The following EPHX2 variants were observed in gnomAD, a reference collection of about 807,000 sequenced individuals.
The protein encoded by EPHX2 is epoxide hydrolase 2, also known as bifunctional epoxide hydrolase 2.
In EPHX2, 74 loss-of-function variants were observed where a neutral mutation model predicts 78.7. The observed-to-expected ratio is 0.94, with a 90% confidence interval of 0.78 to 1.14. EPHX2 has a LOEUF of 1.14. Among genes scored for constraint, EPHX2 ranks in the 50% most tolerant of loss-of-function variants. The pLI is 0.00. For synonymous variants in EPHX2, 251 were observed against 255.2 expected (o/e 0.98, Z 0.16); for missense variants, 715 against 702.5 (o/e 1.02, Z -0.20).
chr8:27,534,199 C>A (rs891239496), intron 12 of EPHX2, among the ~76,000 whole-genome samples: 1 of 152,204 alleles, frequency 6.6e-6, no homozygotes, highest in African/African-American at 2.4e-5. Flanking sequence ...TTGAATCTTA[C>A]AAAACGGAGG....
intron 5 of EPHX2, 140 bp from the exon 6 acceptor site, chr8:27,511,696 G>A: frequency 1.3e-6 from 1 of 759,688 alleles, no homozygotes; most frequent in Non-Finnish European, 2.2e-6. Context: ...AGAGGGAGAT[G>A]GGCTGGTCAG....
intron 2 of EPHX2, among the ~76,000 whole-genome samples, chr8:27,501,387 CTT>C (rs372871494): frequency 3.0e-3 from 202 of 67,474 alleles, no homozygotes; most frequent in Non-Finnish European, 3.4e-3. Context: ...TCTTCTTCTT[CTT>C]CTTCTTTCTT....
At chr8:27,512,874 A>G (rs1265647053) in intron 6 of EPHX2, among the ~76,000 whole-genome samples, 1 of 152,248 alleles carries the variant, frequency 6.6e-6, no homozygotes, top group African/African-American at 2.4e-5. Context: ...TTCTGTGAGA[A>G]TTAAATGAAA....
intron 14 of EPHX2, 107 bp from the exon 15 acceptor site, chr8:27,540,447 G>A: frequency 1.1e-6 from 1 of 872,466 alleles, no homozygotes; most frequent in Non-Finnish European, 1.9e-6. Context: ...GCACTCATAA[G>A]GCCTTGCGCA....
intron 14 of EPHX2, chr8:27,539,129 T>C (rs1815311655): frequency 6.0e-6 from 1 of 167,870 alleles, no homozygotes. Flanking sequence ...CTGGAGCTCA[T>C]CCTTGTCTCC....
chr8:27,509,870 G>A (rs1814170175), intron 5 of EPHX2, among the ~76,000 whole-genome samples: 1 of 152,194 alleles, frequency 6.6e-6, no homozygotes, highest in Non-Finnish European at 1.5e-5. Context: ...GATTATTAAA[G>A]TAGGAACCCC....
intron 5 of EPHX2, among the ~76,000 whole-genome samples, chr8:27,509,646 G>A (rs930564178): frequency 2.0e-5 from 3 of 152,028 alleles, no homozygotes; most frequent in South Asian, 2.1e-4. Flanking sequence ...CCCAAAGTGC[G>A]AGGTTTACAG....
At chr8:27,498,431 C>A (rs934364588) in intron 1 of EPHX2, among the ~76,000 whole-genome samples, 2 of 151,558 alleles carry the variant, frequency 1.3e-5, no homozygotes, top group Admixed American at 6.6e-5. Context: ...TTTTAATGAC[C>A]ACCTGCCCTT....
At chr8:27,510,172 G>A (rs530653860) in intron 5 of EPHX2, among the ~76,000 whole-genome samples, 8 of 152,178 alleles carry the variant, frequency 5.3e-5, no homozygotes, top group African/African-American at 7.2e-5. Context: ...CTTAGCTTAC[G>A]TCCCCATTTT....
In EPHX2 at chr8:27,515,763, G is replaced by C. The variant is rs375423583; in HGVS notation, c.781G>C (p.Val261Leu). The change falls in exon 7 of 19, where the codon GTG (valine) becomes CTG (leucine). Residue 261 changes from valine to leucine, a missense_variant. Val to Leu is a conservative substitution (Grantham distance 32). Transcript: ENST00000521400. ...HFVELGSGPAVCLCHGFPESW... is the reference protein window; with the variant it reads ...HFVELGSGPALCLCHGFPESW... ...TGTGGAGCTGGGCTCCGGCCCTGCT[G>C]TGTGCCTCTGCCATGGATTTCCCGA... 4 of 1,614,154 alleles carry C rather than the reference G, an allele frequency of 2.5e-6. No homozygotes were observed. The highest frequency in any genetic ancestry group is 3.4e-6 in the Non-Finnish European group (4 of 1,180,046).
intron 1 of EPHX2, among the ~76,000 whole-genome samples, chr8:27,498,988 A>T (rs948631107): frequency 6.6e-6 from 1 of 152,192 alleles, no homozygotes; most frequent in South Asian, 2.1e-4. Flanking sequence ...TCCAAGGTTG[A>T]GGGGTTGCAT....
chr8:27,516,942 C>T (rs556531236), intron 8 of EPHX2, among the ~76,000 whole-genome samples: 3 of 121,422 alleles, frequency 2.5e-5, no homozygotes, highest in African/African-American at 1.0e-4. Context: ...TTTTTTGAGA[C>T]GGAGTCTCAC....
chr8:27,526,780 C>G (rs1814860165), intron 12 of EPHX2, among the ~76,000 whole-genome samples: 1 of 152,064 alleles, frequency 6.6e-6, no homozygotes, highest in African/African-American at 2.4e-5. Flanking sequence ...GACAGGATCT[C>G]ACTCTGTCAC....
intron 1 of EPHX2, among the ~76,000 whole-genome samples, chr8:27,498,652 A>G (rs892991407): frequency 6.6e-6 from 1 of 152,126 alleles, no homozygotes; most frequent in Non-Finnish European, 1.5e-5. Flanking sequence ...CCACTTTTGC[A>G]TCACAGCACA....
chr8:27,502,189 C>T (rs949158996), intron 2 of EPHX2, among the ~76,000 whole-genome samples: 9 of 152,338 alleles, frequency 5.9e-5, no homozygotes, highest in Admixed American at 5.9e-4. Context: ...TGGAATTGTG[C>T]ACATCAGCTC....
At chr8:27,528,634 C>T (rs1013650219) in intron 12 of EPHX2, among the ~76,000 whole-genome samples, 1 of 152,090 alleles carries the variant, frequency 6.6e-6, no homozygotes, top group African/African-American at 2.4e-5. Context: ...CTGGGAGTTC[C>T]TCCTTCCTGC....
chr8:27,495,541 G>A (rs1473749320), intron 1 of EPHX2, among the ~76,000 whole-genome samples: 6 of 152,204 alleles, frequency 3.9e-5, no homozygotes, highest in Non-Finnish European at 5.9e-5. Flanking sequence ...GCAGGGTTCA[G>A]GGCCACACAC....
chr8:27,516,329 C>G lies in EPHX2; in HGVS notation c.841C>G (p.Leu281Val). ...WYSWRYQIPA[L>V]AQAGYRVLAM... Reference sequence around the variant, plus strand: ...CCTGTTTGTTTTCTAGATCCCTGCTCTGGCCCAGGCAGGTTACCGGGTCCT... The same window carrying G: ...CCTGTTTGTTTTCTAGATCCCTGCTGTGGCCCAGGCAGGTTACCGGGTCCT... Residue 281 changes from leucine (L) to valine (V), a missense_variant, in exon 8 of 19, where the codon CTG becomes GTG. Leu to Val is a conservative substitution (Grantham distance 32). Transcript: ENST00000521400. The G allele has an allele frequency of 6.2e-7, 1 of 1,613,998 alleles. No individual in the cohort carries two copies.
At chr8:27,544,021 G>A (rs1815501501) in intron 17 of EPHX2, among the ~76,000 whole-genome samples, 165 bp from the exon 18 acceptor site, 1 of 152,170 alleles carries the variant, frequency 6.6e-6, no homozygotes, top group South Asian at 2.1e-4. Flanking sequence ...CCCCTGCATG[G>A]ATGTGGGGTC....
Sources: gnomAD v4.1 joint callset for allele counts (sites outside exome capture counted in the v4.1 genomes callset) on GRCh38, gnomAD v4.1.1 for gene constraint, MANE v1.5 for transcripts, NCBI Gene and HGNC (gene_info 2026-07-23, HGNC 2026-07-21) for gene names.